The following CLNK variants were observed in gnomAD, a reference collection of about 807,000 sequenced individuals.
The protein encoded by CLNK is cytokine-dependent hematopoietic cell linker.
CLNK carries 74 observed loss-of-function variants against 68.6 expected under a neutral mutation model. The observed-to-expected ratio is 1.08, with a 90% CI of 0.89 to 1.31. The LOEUF is 1.31. Ranked by LOEUF, CLNK falls within the 50% of genes most tolerant of loss-of-function variation. CLNK has a pLI of 0.00. For synonymous variants in CLNK, 198 were observed against 172.2 expected, an observed-to-expected ratio of 1.15 and a Z score of -1.17; for missense variants, 553 against 515.3, an observed-to-expected ratio of 1.07 and a Z score of -0.71.
the CLNK span, among the ~76,000 whole-genome samples, chr4:10,700,628 G>T: frequency 4.6e-5 from 7 of 152,176 alleles, no homozygotes; most frequent in Non-Finnish European, 1.0e-4. Context: ...CAAATGCAGT[G>T]GTCGTGCTGG....
intron 1 of CLNK, among the ~76,000 whole-genome samples, chr4:10,682,815 A>C (rs551499439): frequency 6.6e-6 from 1 of 152,338 alleles, no homozygotes; most frequent in South Asian, 2.1e-4. Flanking sequence ...TCAAGAAGAA[A>C]ATATGTATTC....
At position 10,625,425 on chromosome 4, in the gene CLNK, T is replaced by C. The variant is rs1005775423; in HGVS notation, c.12-27376A>G. 3.3e-5 allele frequency among the ~76,000 whole-genome samples: 5 copies of C among 152,304 alleles called. No homozygotes were observed. The South Asian group carries it at 8.3e-4, about 25-fold the overall frequency. The stretch of plus-strand genomic sequence containing the variant: ...AGCTTGGCCCTTCTGGGCTTGTTGC[T>C]CTCTTTCCAACAGACTGGTCCCCTT... On this transcript the variant is annotated intron_variant, in intron 2 of 18. Transcript: ENST00000226951.
chr4:10,530,968 A>G (rs1390724521), intron 12 of CLNK, among the ~76,000 whole-genome samples: 1 of 152,156 alleles, frequency 6.6e-6, no homozygotes, highest in Non-Finnish European at 1.5e-5. Flanking sequence ...TCTTGGCACG[A>G]TTGTCTTATG....
the CLNK span, among the ~76,000 whole-genome samples, chr4:10,716,917 C>A: frequency 6.6e-6 from 1 of 152,070 alleles, no homozygotes; most frequent in Non-Finnish European, 1.5e-5. Context: ...TGGTCTTGAA[C>A]TCCTGACCTC....
chr4:10,624,323 T>C (rs1722574916), intron 2 of CLNK, among the ~76,000 whole-genome samples: 1 of 152,234 alleles, frequency 6.6e-6, no homozygotes, highest in Non-Finnish European at 1.5e-5. Flanking sequence ...TGGTTTTTTT[T>C]TGAGACGGAG....
chr4:10,544,089 A>G (rs16869704), intron 8 of CLNK, among the ~76,000 whole-genome samples: 5,107 of 152,272 alleles, frequency 0.034, 244 homozygotes, highest in African/African-American at 0.11. Context: ...GCCTGTGTTG[A>G]TGACTTTCCC....
the CLNK span, among the ~76,000 whole-genome samples, chr4:10,723,882 C>CAG: frequency 0.22 from 15,811 of 70,876 alleles, 1,657 homozygotes; most frequent in South Asian, 0.34. Context: ...ACACAGGAGT[C>CAG]AGAGAGAGAG....
chr4:10,533,565 AC>A (rs1213836210), intron 11 of CLNK, among the ~76,000 whole-genome samples: 1 of 152,234 alleles, frequency 6.6e-6, no homozygotes, highest in African/African-American at 2.4e-5. Context: ...AGGCAACTGT[AC>A]CAAGGTTCCA....
chr4:10,494,192 C>T (rs1171197124), intron 18 of CLNK, among the ~76,000 whole-genome samples: 1 of 152,140 alleles, frequency 6.6e-6, no homozygotes. Context: ...ATAACAACCA[C>T]ACACAAAAAA....
rs138667058 is a variant in CLNK at position 10,659,011 on chromosome 4, C to T, written c.11+8848G>A. Among the ~76,000 whole-genome samples, 90 of 152,176 alleles carry T rather than the reference C, an allele frequency of 5.9e-4. 1 individual carries two copies. Among genetic ancestry groups the T allele is most frequent in the South Asian group, 1.2e-3 (6 of 4,830 alleles). On this transcript the variant is annotated intron_variant, in intron 2 of 18. Coordinates refer to ENST00000226951, the MANE Select transcript of CLNK (RefSeq NM_052964.4). The stretch of plus-strand genomic sequence containing the variant: ...TGAGGTCAGGAGTTTGAGACCAACC[C>T]AGCCAACATGGTGAAACCCCGTGTC...
rs1001893663 is a variant in CLNK, at chr4:10,589,187, G to A, written c.84-4232C>T. ...TACATTGAAGGCATAGACTTAGGCC[G>A]TTAGGCATTTCCAGCTCCACTTTGC... On this transcript the variant is annotated intron_variant, in intron 3 of 18. Transcript: ENST00000226951. Among the ~76,000 whole-genome samples, 14 of 152,306 alleles carry A rather than the reference G, an allele frequency of 9.2e-5. No individual in the cohort carries two copies. The East Asian group carries it at 2.5e-3, about 27-fold the overall frequency.
rs141635529 is a variant in CLNK, at chr4:10,624,250, A to AAGAT, written c.12-26205_12-26202dup. ...CAGTAGATATTTCATGAAGATAAGC[A>AAGAT]AGATAACCTCCAGCCATGTTAAACA... On this transcript the variant is annotated intron_variant, in intron 2 of 18. Transcript: ENST00000226951. Among the ~76,000 whole-genome samples the AAGAT allele has an allele frequency of 5.4e-4, 82 of 152,350 alleles. 2 individuals are homozygous for AAGAT. The East Asian group carries it at 0.015, about 29-fold the overall frequency.
At chr4:10,713,879 C>A in the CLNK span, among the ~76,000 whole-genome samples, 5 of 152,180 alleles carry the variant, frequency 3.3e-5, no homozygotes, top group African/African-American at 1.2e-4. Context: ...TACCAATTGT[C>A]AGATCTCAGG....
chr4:10,679,910 C>G (rs1725028316), intron 1 of CLNK, among the ~76,000 whole-genome samples: 1 of 152,140 alleles, frequency 6.6e-6, no homozygotes, highest in Non-Finnish European at 1.5e-5. Flanking sequence ...CACTTTTACA[C>G]TGTTGGTGGG....
the CLNK span, among the ~76,000 whole-genome samples, chr4:10,717,003 C>T: frequency 2.0e-5 from 3 of 149,352 alleles, no homozygotes; most frequent in East Asian, 1.9e-4. Flanking sequence ...ACTGTCCTAT[C>T]GTAGCCAAAC....
intron 3 of CLNK, among the ~76,000 whole-genome samples, chr4:10,585,655 G>A (rs889571473): frequency 2.6e-5 from 4 of 152,072 alleles, no homozygotes; most frequent in Non-Finnish European, 5.9e-5. Flanking sequence ...TCTTTTATCA[G>A]TATAAATATA....
At chr4:10,692,653 C>A in the CLNK span, among the ~76,000 whole-genome samples, 2 of 152,200 alleles carry the variant, frequency 1.3e-5, no homozygotes, top group Non-Finnish European at 2.9e-5. Flanking sequence ...TTTCAAAATG[C>A]ATGCTACGTG....
At chr4:10,688,239 C>T (rs775605963), upstream of CLNK, among the ~76,000 whole-genome samples, 5 of 152,030 alleles carry the variant, frequency 3.3e-5, no homozygotes, top group East Asian at 1.9e-4. Flanking sequence ...AGCGGATGTG[C>T]GGTGTGTGTA....
At chr4:10,571,885 T>A in intron 4 of CLNK, 107 bp from the exon 5 acceptor site, 1 of 806,548 alleles carries the variant, frequency 1.2e-6, no homozygotes, top group Non-Finnish European at 2.0e-6. Flanking sequence ...CAGTTTTAAT[T>A]AACTTACCTT....
Sources: allele counts gnomAD v4.1 joint callset (sites outside exome capture counted in the v4.1 genomes callset), GRCh38; gene constraint gnomAD v4.1.1; transcripts MANE v1.5; gene names NCBI Gene and HGNC (gene_info 2026-07-23, HGNC 2026-07-21).